Variants in SYNPO2 observed in about 807,000 individuals in gnomAD.
SYNPO2 encodes the protein synaptopodin 2.
Under a neutral mutation model 85.0 loss-of-function variants are expected in SYNPO2, and 56 were observed. That is an observed-to-expected ratio of 0.66 (90% CI 0.53 to 0.82). SYNPO2 has a LOEUF of 0.82. Among genes scored for constraint, SYNPO2 ranks in the 40% least tolerant of loss-of-function variants. The pLI, the probability that SYNPO2 is intolerant of heterozygous loss-of-function variation, is 0.00. For synonymous variants in SYNPO2, 602 were observed against 591.1 expected (o/e 1.02, Z -0.27); for missense variants, 1,575 against 1,534.2 (o/e 1.03, Z -0.44).
chr4:119,014,903 C>T (rs1480696191), intron 1 of SYNPO2, among the ~76,000 whole-genome samples: 1 of 152,296 alleles, frequency 6.6e-6, no homozygotes, highest in East Asian at 1.9e-4. Context: ...CAGATATTAT[C>T]TCAGTCATGT....
intron 1 of SYNPO2, among the ~76,000 whole-genome samples, chr4:118,961,099 G>GCCCCCCCCCCCC (rs60796554): frequency 1.1e-5 from 1 of 94,616 alleles, no homozygotes; most frequent in African/African-American, 4.4e-5. Flanking sequence ...CTATTTTACC[G>GCCCCCCCCCCCC]CCCCCCCCCC....
intron 1 of SYNPO2, among the ~76,000 whole-genome samples, chr4:118,963,910 G>A (rs1052561082): frequency 1.3e-5 from 2 of 152,118 alleles, no homozygotes; most frequent in Non-Finnish European, 2.9e-5. Flanking sequence ...AGCTGTCCTG[G>A]ATACAGTCTG....
chr4:119,034,768 A>G, intron 4 of SYNPO2: 4 of 985,522 alleles, frequency 4.1e-6, no homozygotes, highest in Non-Finnish European at 4.8e-6. Flanking sequence ...ACCAGGGGCT[A>G]TATGTGCCAC....
intron 4 of SYNPO2, among the ~76,000 whole-genome samples, chr4:119,047,082 T>C (rs1738894569): frequency 6.6e-6 from 1 of 152,080 alleles, no homozygotes; most frequent in African/African-American, 2.4e-5. Context: ...TTTTTTTAGA[T>C]GAAGTTTCAC....
At chr4:118,938,243 C>T (rs549217867) in intron 1 of SYNPO2, among the ~76,000 whole-genome samples, 4 of 152,210 alleles carry the variant, frequency 2.6e-5, no homozygotes, top group South Asian at 2.1e-4. Context: ...TGCTTGAACC[C>T]GGGAAGTGGA....
chr4:119,034,214 A>T, intron 4 of SYNPO2: 1 of 985,438 alleles, frequency 1.0e-6, no homozygotes, highest in Non-Finnish European at 1.2e-6. Flanking sequence ...AGCAGGAAAA[A>T]AGATCATTTT....
chr4:118,938,816 G>C (rs926835200), intron 1 of SYNPO2, among the ~76,000 whole-genome samples: 2 of 152,164 alleles, frequency 1.3e-5, no homozygotes, highest in Non-Finnish European at 2.9e-5. Context: ...TTTCCATTGA[G>C]ATTGCTGAGC....
At chr4:118,930,869 G>A (rs1318554111) in intron 1 of SYNPO2, among the ~76,000 whole-genome samples, 1 of 148,260 alleles carries the variant, frequency 6.7e-6, no homozygotes, top group Non-Finnish European at 1.5e-5. Context: ...AGTGAGCCAT[G>A]TTAGTGGCAC....
intron 1 of SYNPO2, among the ~76,000 whole-genome samples, chr4:118,937,840 T>C (rs556689525): frequency 1.3e-5 from 2 of 152,182 alleles, no homozygotes; most frequent in South Asian, 2.1e-4. Context: ...AGGACCCTGC[T>C]TGGATACCAA....
chr4:119,011,019 T>C (rs1737278323), intron 1 of SYNPO2, among the ~76,000 whole-genome samples: 1 of 152,156 alleles, frequency 6.6e-6, no homozygotes, highest in Non-Finnish European at 1.5e-5. Flanking sequence ...CTCTCCTCAA[T>C]CTGAAATAAA....
intron 1 of SYNPO2, among the ~76,000 whole-genome samples, chr4:118,878,713 ACACCAATCAGCACTCTGTAAAAACG>A (rs1731976642): frequency 6.6e-6 from 1 of 151,934 alleles, no homozygotes; most frequent in Non-Finnish European, 1.5e-5. Context: ...GTATGTAAAC[ACACCAATCAGCACTCTGTAAAAACG>A]CACCAATCAG....
At chr4:119,019,023 A>C (rs1439798743) in intron 1 of SYNPO2, among the ~76,000 whole-genome samples, 1 of 152,176 alleles carries the variant, frequency 6.6e-6, no homozygotes, top group Non-Finnish European at 1.5e-5. Context: ...AGAACTATGA[A>C]CACAAGGAAG....
chr4:119,007,412 C>CA (rs527931641), intron 1 of SYNPO2, among the ~76,000 whole-genome samples: 26 of 139,608 alleles, frequency 1.9e-4, no homozygotes, highest in South Asian at 6.8e-4. Flanking sequence ...AAAAAACAAA[C>CA]AAAAAAAAAA....
chr4:119,006,642 A>G (rs960376713), intron 1 of SYNPO2, among the ~76,000 whole-genome samples: 4 of 152,252 alleles, frequency 2.6e-5, no homozygotes, highest in Middle Eastern at 3.2e-3. Context: ...TAATAATTGT[A>G]TATAAAATAA....
At chr4:119,015,420 A>C (rs1363274589) in intron 1 of SYNPO2, among the ~76,000 whole-genome samples, 1 of 152,182 alleles carries the variant, frequency 6.6e-6, no homozygotes, top group Non-Finnish European at 1.5e-5. Context: ...AGTTGAGACA[A>C]ATGCAGACTT....
chr4:118,922,004 G>T (rs753226124), intron 1 of SYNPO2, among the ~76,000 whole-genome samples: 5 of 152,168 alleles, frequency 3.3e-5, no homozygotes, highest in Admixed American at 6.6e-5. Context: ...CTTTTTATAG[G>T]ACTGTTTTCC....
rs1733523966 is a variant in SYNPO2, at chr4:118,921,304, T to G, written c.105+32163T>G. Among the ~76,000 whole-genome samples, 3 of 152,162 alleles carry G rather than the reference T, an allele frequency of 2.0e-5. No individual in the cohort carries two copies. In the South Asian group the frequency reaches 6.2e-4, roughly 32 times the overall value. ...CACTCTACATGCTATCCCTTAGAGA[T>G]TGTTTCATTCTCATAAGTACTACTA... On this transcript the variant is annotated intron_variant, in intron 1 of 4. Transcript: ENST00000307142.
intron 1 of SYNPO2, among the ~76,000 whole-genome samples, chr4:118,877,635 C>A (rs983555259): frequency 5.9e-5 from 9 of 152,086 alleles, no homozygotes; most frequent in Admixed American, 4.6e-4. Context: ...TACAGACATG[C>A]AAATCAGCAC....
intron 4 of SYNPO2, among the ~76,000 whole-genome samples, chr4:119,044,668 G>T (rs1738822793): frequency 6.6e-6 from 1 of 152,134 alleles, no homozygotes; most frequent in African/African-American, 2.4e-5. Flanking sequence ...TCACTCTGGG[G>T]TCATGTTTTT....
Sources: gnomAD v4.1 joint callset for allele counts (sites outside exome capture counted in the v4.1 genomes callset) on GRCh38, gnomAD v4.1.1 for gene constraint, MANE v1.5 for transcripts, NCBI Gene and HGNC (gene_info 2026-07-23, HGNC 2026-07-21) for gene names.